Variants in MSH3 observed in about 807,000 individuals in gnomAD.
MSH3 encodes the protein mutS homolog 3.
A neutral mutation model predicts 123.3 loss-of-function variants in MSH3; 106 were observed. That is an observed-to-expected ratio of 0.86 (90% CI 0.73 to 1.01). The LOEUF is 1.01. Among genes scored for constraint, MSH3 ranks in the 50% least tolerant of loss-of-function variants. MSH3 has a pLI of 0.00. For missense variants in MSH3, 1,459 were observed against 1,347.6 expected (o/e 1.08, Z -1.29); for synonymous variants, 515 against 481.4 (o/e 1.07, Z -0.91).
At chr5:80,781,701 A>G (rs998688011) in intron 17 of MSH3, among the ~76,000 whole-genome samples, 3 of 152,032 alleles carry the variant, frequency 2.0e-5, no homozygotes, top group Non-Finnish European at 4.4e-5. Flanking sequence ...CTCCTGGGCT[A>G]TGTCCAACCT....
At chr5:80,843,117 C>G (rs1260616828) in intron 20 of MSH3, among the ~76,000 whole-genome samples, 3 of 151,956 alleles carry the variant, frequency 2.0e-5, no homozygotes, top group African/African-American at 7.3e-5. Context: ...GCTTGAGGGG[C>G]TATTGAATTT....
intron 10 of MSH3, among the ~76,000 whole-genome samples, chr5:80,729,243 G>A (rs1028215294): frequency 4.0e-5 from 6 of 151,446 alleles, no homozygotes; most frequent in East Asian, 1.9e-4. Context: ...GTGAAACCCC[G>A]TCTCTACTAA....
At chr5:80,687,579 G>A (rs1003151773) in intron 8 of MSH3, among the ~76,000 whole-genome samples, 1 of 152,266 alleles carries the variant, frequency 6.6e-6, no homozygotes, top group Admixed American at 6.5e-5. Context: ...AATGGGGAGG[G>A]GGGAAGGGTA....
intron 20 of MSH3, among the ~76,000 whole-genome samples, chr5:80,818,339 CTG>C (rs1391140841): frequency 2.2e-5 from 3 of 133,960 alleles, no homozygotes; most frequent in East Asian, 4.6e-4. Flanking sequence ...AAAATCTAGA[CTG>C]TGGGAAACTA....
chr5:80,662,856 A>C (rs1447430908), intron 2 of MSH3, among the ~76,000 whole-genome samples: 10 of 152,088 alleles, frequency 6.6e-5, no homozygotes, highest in Non-Finnish European at 1.3e-4. Flanking sequence ...TTTGGGAAGC[A>C]AGAATTGCAA....
At chr5:80,766,410 A>G (rs1202883218) in intron 13 of MSH3, among the ~76,000 whole-genome samples, 26 of 131,436 alleles carry the variant, frequency 2.0e-4, no homozygotes, top group African/African-American at 7.8e-4. Context: ...CAGTGGCACG[A>G]TCTCGGCTCA....
rs539001586 is a variant in MSH3 at position 80,668,023 on chromosome 5, G to C, written c.580-2074G>C. On this transcript the variant is annotated intron_variant, in intron 3 of 23. Transcript: ENST00000265081. ...TGGAGGGTGAGCAAGGCAAAGAGGG[G>C]CTTCCTTGAGTGACAGAACATTGAG... is the stretch of plus-strand genomic sequence containing the variant. 3.2e-4 allele frequency among the ~76,000 whole-genome samples: 48 copies of C among 152,346 alleles called. 1 individual carries two copies. The South Asian group carries it at 9.5e-3, about 30-fold the overall frequency.
chr5:80,737,076 A>T (rs1395357569), intron 10 of MSH3, among the ~76,000 whole-genome samples: 1 of 152,200 alleles, frequency 6.6e-6, no homozygotes, highest in Admixed American at 6.5e-5. Context: ...ATGCAAAGTT[A>T]GTCATGTTGT....
At chr5:80,795,022 G>A (rs1744673169) in intron 19 of MSH3, among the ~76,000 whole-genome samples, 2 of 152,074 alleles carry the variant, frequency 1.3e-5, no homozygotes, top group South Asian at 4.1e-4. Flanking sequence ...GTTAGAAACA[G>A]AAGTACTAAG....
intron 2 of MSH3, among the ~76,000 whole-genome samples, chr5:80,660,696 T>C (rs1749414458): frequency 6.6e-6 from 1 of 152,216 alleles, no homozygotes; most frequent in Non-Finnish European, 1.5e-5. Context: ...TCTTTTTCTC[T>C]GGTTGCTTTT....
intron 19 of MSH3, among the ~76,000 whole-genome samples, chr5:80,808,865 A>ATATATATATC (rs1441994386): frequency 8.2e-6 from 1 of 122,140 alleles, no homozygotes; most frequent in African/African-American, 3.3e-5. Flanking sequence ...CTTCATATAT[A>ATATATATATC]TATATATATA....
chr5:80,862,259 G>A (rs1746026260), intron 21 of MSH3, among the ~76,000 whole-genome samples: 2 of 152,078 alleles, frequency 1.3e-5, no homozygotes, highest in Non-Finnish European at 2.9e-5. Context: ...AAGAAATCCT[G>A]CCTTAATACG....
At chr5:80,719,919 G>T (rs1751046783) in intron 8 of MSH3, among the ~76,000 whole-genome samples, 1 of 152,166 alleles carries the variant, frequency 6.6e-6, no homozygotes, top group Non-Finnish European at 1.5e-5. Flanking sequence ...CCGAGTACTG[G>T]GCCTCACTGG....
chr5:80,786,000 GGGA>G (rs1176476599), intron 17 of MSH3, among the ~76,000 whole-genome samples: 1 of 151,466 alleles, frequency 6.6e-6, no homozygotes, highest in Non-Finnish European at 1.5e-5. Flanking sequence ...GTGGGGTGGG[GGGA>G]AGGGGGGAGG....
At chr5:80,751,759 T>C (rs1357736248) in intron 12 of MSH3, among the ~76,000 whole-genome samples, 4 of 152,160 alleles carry the variant, frequency 2.6e-5, no homozygotes, top group Non-Finnish European at 5.9e-5. Flanking sequence ...CCAAATAAGA[T>C]AACATTTTGA....
intron 21 of MSH3, among the ~76,000 whole-genome samples, chr5:80,861,474 A>G (rs931256203): frequency 1.3e-5 from 2 of 152,148 alleles, no homozygotes; most frequent in East Asian, 1.9e-4. Flanking sequence ...AGGCTTTGAT[A>G]AAACCCCAGC....
intron 8 of MSH3, among the ~76,000 whole-genome samples, chr5:80,679,958 G>A (rs1291653921): frequency 6.6e-6 from 1 of 152,044 alleles, no homozygotes; most frequent in Non-Finnish European, 1.5e-5. Flanking sequence ...GTAGTAGGTA[G>A]ACAAATCATT....
chr5:80,692,577 TAG>T (rs1301126645), intron 8 of MSH3, among the ~76,000 whole-genome samples: 8 of 120,734 alleles, frequency 6.6e-5, no homozygotes, highest in South Asian at 5.1e-4. Flanking sequence ...TATGTTTATA[TAG>T]AGAGATAAAC....
At position 80,740,952 on chromosome 5, in the gene MSH3, G is replaced by T. The variant is rs181136783; in HGVS notation, c.1569-512G>T. ...GCTGGTTTCGAACTCCTCACCTCAGGTGATCCGCCTGCCTCAGCCTCCCAA... is the reference window on the plus strand; with the variant it reads ...GCTGGTTTCGAACTCCTCACCTCAGTTGATCCGCCTGCCTCAGCCTCCCAA... On this transcript the variant is annotated intron_variant, in intron 10 of 23. Coordinates refer to ENST00000265081, the MANE Select transcript of MSH3 (RefSeq NM_002439.5). Among the ~76,000 whole-genome samples the T allele has an allele frequency of 1.4e-3, 208 of 152,046 alleles. 1 individual carries two copies. The highest frequency in any genetic ancestry group is 1.9e-3 in the Non-Finnish European group (127 of 67,992).
Sources: allele counts gnomAD v4.1 joint callset (sites outside exome capture counted in the v4.1 genomes callset), GRCh38; gene constraint gnomAD v4.1.1; transcripts MANE v1.5; gene names NCBI Gene and HGNC (gene_info 2026-07-23, HGNC 2026-07-21).